The following LPP variants were observed in gnomAD, a reference collection of about 807,000 sequenced individuals.
The protein encoded by LPP is lipoma-preferred partner.
Under a neutral mutation model 60.4 loss-of-function variants are expected in LPP, and 38 were observed. The ratio of observed to expected loss-of-function variants is 0.63; its 90% confidence interval spans 0.49 to 0.83. The LOEUF is 0.83. Among genes scored for constraint, LPP ranks in the 40% least tolerant of loss-of-function variants. The pLI is 0.00. For synonymous variants in LPP, 328 were observed against 290.8 expected (o/e 1.13, Z -1.30); for missense variants, 902 against 783.6 (o/e 1.15, Z -1.80).
At chr3:188,495,082 A>ATATATATATATATATATATATATTT (rs1342207321) in intron 5 of LPP, among the ~76,000 whole-genome samples, 3 of 97,242 alleles carry the variant, frequency 3.1e-5, no homozygotes, top group South Asian at 6.4e-4. Flanking sequence ...ATATATATAT[A>ATATATATATATATATATATATATTT]TTTTATTTAT....
At position 188,878,299 on chromosome 3, in the gene LPP, C is replaced by G. The variant is rs1769486852; in HGVS notation, c.*3820C>G. On this transcript the variant is annotated 3_prime_UTR_variant, in exon 12 of 12. Coordinates refer to ENST00000617246, the MANE Select transcript of LPP (RefSeq NM_001375462.1). ...GGTGTTGGGGAAATTATGGCAGCTG[C>G]TAGGGAGATCAGGGAAACACTGATG... 2 of 220,240 alleles carry G rather than the reference C, an allele frequency of 9.1e-6. No homozygotes were observed. The highest frequency in any genetic ancestry group is 1.3e-4 in the East Asian group (2 of 15,022). 13.6% of individuals were successfully genotyped at this position (220,240 alleles called of 1,614,324 possible).
intron 1 of LPP, among the ~76,000 whole-genome samples, chr3:188,173,528 A>T (rs1301211859): frequency 1.3e-5 from 2 of 151,786 alleles, no homozygotes; most frequent in Non-Finnish European, 2.9e-5. Context: ...AAAAAAACAA[A>T]CAAAAAAAAC....
At chr3:188,222,905 C>T (rs1716334421) in intron 1 of LPP, among the ~76,000 whole-genome samples, 1 of 151,940 alleles carries the variant, frequency 6.6e-6, no homozygotes, top group Non-Finnish European at 1.5e-5. Flanking sequence ...TTGAAGAGGG[C>T]TTTATATTTT....
chr3:188,268,075 G>A (rs1407261890), intron 2 of LPP, among the ~76,000 whole-genome samples: 2 of 146,472 alleles, frequency 1.4e-5, no homozygotes, highest in East Asian at 2.0e-4. Context: ...GGTAGAGCAC[G>A]GGCCATCTCT....
intron 9 of LPP, among the ~76,000 whole-genome samples, chr3:188,800,463 T>C (rs1031425491): frequency 1.3e-5 from 2 of 152,026 alleles, no homozygotes; most frequent in Non-Finnish European, 2.9e-5. Flanking sequence ...GCCAGGATGG[T>C]CTCCATCTCC....
At chr3:188,859,752 A>G (rs772510084) in intron 9 of LPP, among the ~76,000 whole-genome samples, 25 of 152,290 alleles carry the variant, frequency 1.6e-4, no homozygotes, top group Admixed American at 7.2e-4. Flanking sequence ...AAAAGTTGAA[A>G]TTATTTCACT....
At chr3:188,621,615 C>T (rs978407467) in intron 7 of LPP, among the ~76,000 whole-genome samples, 2 of 152,030 alleles carry the variant, frequency 1.3e-5, no homozygotes, top group Non-Finnish European at 2.9e-5. Flanking sequence ...CATCCTAGTG[C>T]GTGTAACCGA....
chr3:188,869,009 A>C (rs1767396211), intron 10 of LPP, among the ~76,000 whole-genome samples: 1 of 152,228 alleles, frequency 6.6e-6, no homozygotes, highest in Non-Finnish European at 1.5e-5. Context: ...AAGGGCTTGC[A>C]CTGTCAAAGT....
intron 9 of LPP, among the ~76,000 whole-genome samples, chr3:188,778,360 G>A (rs1247353245): frequency 6.6e-6 from 1 of 152,086 alleles, no homozygotes; most frequent in Non-Finnish European, 1.5e-5. Context: ...CCTGGTTGCT[G>A]AAATTTTACT....
intron 1 of LPP, among the ~76,000 whole-genome samples, chr3:188,222,608 A>T (rs1189921524): frequency 6.6e-6 from 1 of 152,150 alleles, no homozygotes; most frequent in Non-Finnish European, 1.5e-5. Context: ...AGATATGACA[A>T]GACTTGCTTT....
At chr3:188,844,245 T>G (rs1760879466) in intron 9 of LPP, among the ~76,000 whole-genome samples, 1 of 152,236 alleles carries the variant, frequency 6.6e-6, no homozygotes, top group Non-Finnish European at 1.5e-5. Flanking sequence ...AATCTAAGTT[T>G]AGGCAGAGAT....
At chr3:188,167,110 C>T (rs775273055) in intron 1 of LPP, among the ~76,000 whole-genome samples, 1 of 152,210 alleles carries the variant, frequency 6.6e-6, no homozygotes, top group Non-Finnish European at 1.5e-5. Flanking sequence ...CCTCTCTGAA[C>T]TTCCAATTCC....
At chr3:188,732,716 CAAAAAA>C (rs1167795146) in intron 8 of LPP, among the ~76,000 whole-genome samples, 1 of 74,318 alleles carries the variant, frequency 1.3e-5, no homozygotes. Context: ...AGACTCTTAT[CAAAAAA>C]AAAAAAAAAA....
At chr3:188,202,088 GCACTTGGA>G (rs1473764023) in intron 1 of LPP, among the ~76,000 whole-genome samples, 1 of 151,874 alleles carries the variant, frequency 6.6e-6, no homozygotes, top group Non-Finnish European at 1.5e-5. Context: ...ACTAGATAAA[GCACTTGGA>G]CTTCCCCTGT....
intron 6 of LPP, among the ~76,000 whole-genome samples, chr3:188,544,549 A>C (rs910560121): frequency 1.4e-5 from 2 of 147,690 alleles, no homozygotes; most frequent in African/African-American, 5.0e-5. Flanking sequence ...CAAAACCACT[A>C]TGAGATATCA....
chr3:188,854,925 T>C (rs1457263997), intron 9 of LPP, among the ~76,000 whole-genome samples: 1 of 152,220 alleles, frequency 6.6e-6, no homozygotes, highest in East Asian at 1.9e-4. Context: ...TTCTAGTCTC[T>C]GCTTGCAGAT....
rs897765751 is a variant in LPP, at chr3:188,882,365, A to C, written c.*7886A>C. Reference sequence around the variant, plus strand: ...GGAAATTCCTTCTTAACAGAAAAAAAAGGCTTCCAAATAATCAGGCTGAAT... The same window carrying C: ...GGAAATTCCTTCTTAACAGAAAAAACAGGCTTCCAAATAATCAGGCTGAAT... On this transcript the variant is annotated 3_prime_UTR_variant, in exon 12 of 12. Coordinates refer to ENST00000617246, the MANE Select transcript of LPP (RefSeq NM_001375462.1). 34 of 227,068 alleles carry C rather than the reference A, an allele frequency of 1.5e-4. No homozygotes were observed. The highest frequency in any genetic ancestry group is 4.0e-4 in the Admixed American group (7 of 17,556). The allele number at this position is 227,068 out of a possible 1,614,324, so 14.1% of individuals were successfully genotyped here.
chr3:188,184,249 C>A (rs1267838605), intron 1 of LPP, among the ~76,000 whole-genome samples: 1 of 152,168 alleles, frequency 6.6e-6, no homozygotes, highest in African/African-American at 2.4e-5. Context: ...CTACTTCCAG[C>A]ACCGAGAGTC....
At chr3:188,393,377 C>T (rs1382254649) in intron 3 of LPP, among the ~76,000 whole-genome samples, 3 of 152,066 alleles carry the variant, frequency 2.0e-5, no homozygotes, top group Admixed American at 6.5e-5. Flanking sequence ...CTCTACTTCC[C>T]GTTGCTAATT....
Sources: allele counts gnomAD v4.1 joint callset (sites outside exome capture counted in the v4.1 genomes callset), GRCh38; gene constraint gnomAD v4.1.1; transcripts MANE v1.5; gene names NCBI Gene and HGNC (gene_info 2026-07-23, HGNC 2026-07-21).